Variants in ZBTB21 observed in about 807,000 individuals in gnomAD.
ZBTB21 encodes the protein zinc finger and BTB domain-containing protein 21.
Under a neutral mutation model 39.8 loss-of-function variants are expected in ZBTB21, and 10 were observed. The ratio of observed to expected loss-of-function variants is 0.25; its 90% CI spans 0.16 to 0.43. ZBTB21 has a LOEUF of 0.43. ZBTB21 is among the 20% of genes least tolerant of loss of function. ZBTB21 has a pLI of 1.00. For synonymous variants in ZBTB21, 551 were observed against 498.8 expected (o/e 1.10, Z -1.40); for missense variants, 1,221 against 1,296.3 (o/e 0.94, Z 0.89).
chr21:41,992,749 T>C lies in ZBTB21; in HGVS notation c.1347A>G (p.Gly449=), dbSNP rs377567299. 1.9e-6 allele frequency: 3 copies of C among 1,614,006 alleles called. No individual in the cohort carries two copies. In the African/African-American group the frequency reaches 4.0e-5, roughly 22 times the overall value. ...DPSDIIRVTV[G]DAATTAAASS... ...AGGCAGCTGCTGTTGTTGCCGCATC[T>C]CCCACAGTGACGCGGATGATGTCCG... The change falls in exon 3 of 3, where the codon GGA becomes GGG. Residue 449 remains glycine, a synonymous_variant. Coordinates refer to ENST00000310826, the MANE Select transcript of ZBTB21 (RefSeq NM_001098402.2). The surrounding 1 kb of genome is among the most constrained non-coding windows in gnomAD (Gnocchi z 4.1).
chr21:42,000,922 GTATT>G (rs1242847407), intron 2 of ZBTB21, among the ~76,000 whole-genome samples: 1 of 152,146 alleles, frequency 6.6e-6, no homozygotes, highest in Non-Finnish European at 1.5e-5. Context: ...ACTTTATAGA[GTATT>G]TATTTTCCAT....
Position 41,994,071 on chromosome 21 carries a change from T to C in ZBTB21, c.25A>G (p.Asn9Asp). The change falls in exon 3 of 3, where the codon AAC becomes GAC. Residue 9 changes from asparagine to aspartate, a missense_variant. Physicochemically the swap from Asn to Asp is conservative, Grantham distance 23. Coordinates refer to ENST00000310826, the MANE Select transcript of ZBTB21 (RefSeq NM_001098402.2). ...AGGAGAGAAATGGCGTGTGCAGGGT[T>C]GATGTAATGCAGTAATCCCTCCATG... MEGLLHYI[N>D]PAHAISLLSA... The C allele has an allele frequency of 1.2e-6, 2 of 1,602,156 alleles. No homozygotes were observed. The highest frequency in any genetic ancestry group is 2.2e-5 in the East Asian group (1 of 44,734).
chr21:41,994,245 T>A (rs1425467745), intron 2 of ZBTB21, 137 bp from the exon 3 acceptor site: 1 of 636,116 alleles, frequency 1.6e-6, no homozygotes, highest in East Asian at 3.0e-5. Context: ...GCTCTATGAA[T>A]GAACAATCTT....
Position 41,993,166 on chromosome 21 carries a change from A to G in ZBTB21, c.930T>C (p.Tyr310=). The G allele has an allele frequency of 6.2e-7, 1 of 1,613,980 alleles. No individual in the cohort carries two copies. ...GQGEDRNLLY[Y]SKLGLVIPSS... is the part of the protein sequence containing the mutation. ...ATGGGATCACTAAGCCTAACTTTGAATAGTACAACAAGTTTCTATCTTCAC... is the reference window on the plus strand; with the variant it reads ...ATGGGATCACTAAGCCTAACTTTGAGTAGTACAACAAGTTTCTATCTTCAC... The change falls in exon 3 of 3, where the codon TAT becomes TAC. Residue 310 remains tyrosine, a synonymous_variant. Coordinates refer to ENST00000310826, the MANE Select transcript of ZBTB21 (RefSeq NM_001098402.2).
Position 41,993,289 on chromosome 21 carries a change from C to A in ZBTB21, c.807G>T (p.Glu269Asp). ...GTGGCCGTGGTCTCTTCAAAGCCAG[C>A]TCTAGAGCTTTTCCTTTTGGAAGCT... ...SGQLPKGKAL[E>D]LALKRPRPPV... The change falls in exon 3 of 3, where the codon GAG (glutamate) becomes GAT (aspartate). Residue 269 changes from glutamate to aspartate, a missense_variant. By Grantham distance (45) the Glu-to-Asp change is conservative. Around this residue, in one of 4 missense-constraint regions of ZBTB21, gnomAD observed 500 missense variants for 465.6 expected, o/e 1.07. Transcript: ENST00000310826. 1.2e-6 allele frequency: 2 copies of A among 1,613,032 alleles called. No individual in the cohort carries two copies. Among genetic ancestry groups the A allele is most frequent in the Non-Finnish European group, 8.5e-7 (1 of 1,179,992 alleles).
intron 2 of ZBTB21, among the ~76,000 whole-genome samples, chr21:41,997,593 A>C (rs1020499487): frequency 1.5e-5 from 2 of 137,774 alleles, no homozygotes; most frequent in Non-Finnish European, 3.2e-5. Flanking sequence ...AAAAAAACAA[A>C]AAAACAAAAA....
intron 2 of ZBTB21, among the ~76,000 whole-genome samples, chr21:41,997,371 T>C (rs1318757382): frequency 1.3e-5 from 2 of 151,184 alleles, no homozygotes; most frequent in Non-Finnish European, 2.9e-5. Context: ...AGGTCAGGAG[T>C]TCGAGACAAG....
Position 42,009,679 on chromosome 21 carries a change from G to A in ZBTB21, c.-79+573C>T, listed in dbSNP as rs1275075831. Reference sequence around the variant, plus strand: ...GGGGAGGGAGCGTCCAGCGGGCACCGAGCGGTCACGCTCCGGCCACCGGGC... The same window carrying A: ...GGGGAGGGAGCGTCCAGCGGGCACCAAGCGGTCACGCTCCGGCCACCGGGC... On this transcript the variant is annotated intron_variant, in intron 1 of 2. Coordinates refer to ENST00000310826, the MANE Select transcript of ZBTB21 (RefSeq NM_001098402.2). 3 of 152,980 alleles carry A rather than the reference G, an allele frequency of 2.0e-5. No homozygotes were observed. In the South Asian group the frequency reaches 5.5e-4, roughly 28 times the overall value. 9.5% of individuals were successfully genotyped at this position (152,980 alleles called of 1,614,324 possible).
At position 41,992,969 on chromosome 21, in the gene ZBTB21, A is replaced by G; in HGVS notation, c.1127T>C (p.Val376Ala). 3 of 1,614,226 alleles carry G rather than the reference A, an allele frequency of 1.9e-6. No homozygotes were observed. Among genetic ancestry groups the G allele is most frequent in the South Asian group, 1.1e-5 (1 of 91,084 alleles). ...SSVSSDAPGN[V>A]LCALSQKSSL... ...TGACTTCTGAGATAAAGCACACAACACATTCCCTGGTGCATCACTGGACAC... is the reference window on the plus strand; with the variant it reads ...TGACTTCTGAGATAAAGCACACAACGCATTCCCTGGTGCATCACTGGACAC... The change falls in exon 3 of 3, where the codon GTG becomes GCG. Residue 376 changes from valine to alanine, a missense_variant. This residue lies in a region of ZBTB21 where 500 missense variants were observed against 465.6 expected (regional missense o/e 1.07). Transcript: ENST00000310826. The surrounding 1 kb of genome is among the most constrained non-coding windows in gnomAD (Gnocchi z 4.1).
chr21:42,008,417 C>G (rs1253804295), intron 1 of ZBTB21, among the ~76,000 whole-genome samples: 2 of 147,976 alleles, frequency 1.4e-5, no homozygotes, highest in African/African-American at 5.0e-5. Flanking sequence ...ACTCAGGAGG[C>G]TGAGGCAGGA....
At position 41,997,575 on chromosome 21, in the gene ZBTB21, CAA is replaced by C. The variant is rs10709533; in HGVS notation, c.-13-3469_-13-3468del. 4.9e-4 allele frequency among the ~76,000 whole-genome samples: 58 copies of C among 117,838 alleles called. 1 individual carries two copies. The highest frequency in any genetic ancestry group is 1.2e-3 in the African/African-American group (40 of 34,696). The allele number at this position is 117,838 out of a possible 152,430, so 77.3% of individuals were successfully genotyped here. A position where few individuals can be genotyped will look rare whatever the true frequency, so the allele number is the denominator to read the frequency against. On this transcript the variant is annotated intron_variant, in intron 2 of 2. Coordinates refer to ENST00000310826, the MANE Select transcript of ZBTB21 (RefSeq NM_001098402.2). ...TGGTTGACAGAGCAAGACGTTGTCT[CAA>C]AAAAAAAAAAAACAAAAAAACAAAA...
At chr21:42,009,879 A>G (rs1263134252) in intron 1 of ZBTB21, among the ~76,000 whole-genome samples, 1 of 152,166 alleles carries the variant, frequency 6.6e-6, no homozygotes, top group East Asian at 1.9e-4. Context: ...AGGCGTTTCA[A>G]CCGCTCCGCG....
At chr21:41,996,205 T>C (rs1203137162) in intron 2 of ZBTB21, among the ~76,000 whole-genome samples, 1 of 152,212 alleles carries the variant, frequency 6.6e-6, no homozygotes, top group Non-Finnish European at 1.5e-5. Flanking sequence ...GAATGGTAGA[T>C]ACGTCGACAG....
rs117768481 is a variant in ZBTB21 at position 41,987,703 on chromosome 21, T to C, written c.*3192A>G. The stretch of plus-strand genomic sequence containing the variant: ...TACTTCCTGAAGTTCCAGATTACAG[T>C]TGTATACACACATGCATGCATGTGT... On this transcript the variant is annotated 3_prime_UTR_variant, in exon 3 of 3. Coordinates refer to ENST00000310826, the MANE Select transcript of ZBTB21 (RefSeq NM_001098402.2). The C allele has an allele frequency of 2.5e-4, 38 of 152,002 alleles. No individual in the cohort carries two copies. In the East Asian group the frequency reaches 6.6e-3, roughly 26 times the overall value. 9.4% of individuals were successfully genotyped at this position (152,002 alleles called of 1,614,324 possible). A position where few individuals can be genotyped will look rare whatever the true frequency, so the allele number is the denominator to read the frequency against.
chr21:42,008,342 CAAAAAAAAAAAAAAA>C (rs767411984), intron 1 of ZBTB21, among the ~76,000 whole-genome samples: 1 of 54,310 alleles, frequency 1.8e-5, no homozygotes, highest in Non-Finnish European at 3.3e-5. Flanking sequence ...CCCGTCTCTA[CAAAAAAAAAAAAAAA>C]AAAAAAAAAA....
In ZBTB21 at chr21:42,002,977, G is replaced by A. The variant is rs1383619866; in HGVS notation, c.-78-16C>T. 2.6e-5 allele frequency: 4 copies of A among 152,216 alleles called. No homozygotes were observed. The highest frequency in any genetic ancestry group is 5.9e-5 in the Non-Finnish European group (4 of 68,044). 9.4% of individuals were successfully genotyped at this position (152,216 alleles called of 1,614,324 possible). A position where few individuals can be genotyped will look rare whatever the true frequency, so the allele number is the denominator to read the frequency against. ...TTCATGTCTTCTGAAATTTCAAAAT[G>A]AGAGAATCTTTATGGTTAACAATTC... On this transcript the variant is annotated splice_polypyrimidine_tract_variant and intron_variant, in intron 1 of 2. Transcript: ENST00000310826.
chr21:42,009,020 T>C (rs966582902), intron 1 of ZBTB21, among the ~76,000 whole-genome samples: 1 of 152,150 alleles, frequency 6.6e-6, no homozygotes, highest in African/African-American at 2.4e-5. Context: ...AGGACCGTAA[T>C]GTAAGCTGCT....
chr21:41,992,683 TTC>T lies in ZBTB21; in HGVS notation c.1411_1412del (p.Glu471ArgfsTer2). 6.2e-7 allele frequency: 1 copy of T among 1,614,208 alleles called. No homozygotes were observed. The highest frequency in any genetic ancestry group is 8.5e-7 in the Non-Finnish European group (1 of 1,180,040). On this transcript the variant is annotated frameshift_variant, in exon 3 of 3. Coordinates refer to ENST00000310826, the MANE Select transcript of ZBTB21 (RefSeq NM_001098402.2). LOFTEE classifies it high-confidence loss of function. This position sits in a 1 kb window ranked among gnomAD's most constrained non-coding sequence, Gnocchi z 4.1. ...GTCTGCTCATGTCTTTTTGGTCATC[TTC>T]TGTTTTCAGAGACAGGTCTCTTGTG... ...SVTRDLSLKTEDDQKDMSRLP... is the reference protein window; with the variant it reads ...SVTRDLSLKTXDDQKDMSRLP...
chr21:42,007,609 A>G (rs565793195), intron 1 of ZBTB21, among the ~76,000 whole-genome samples: 4 of 152,290 alleles, frequency 2.6e-5, no homozygotes, highest in Non-Finnish European at 4.4e-5. Flanking sequence ...TCAGTCATCT[A>G]AACTACCACA....
Sources: gnomAD v4.1 joint callset for allele counts (sites outside exome capture counted in the v4.1 genomes callset) on GRCh38, gnomAD v4.1.1 for gene constraint, gnomAD v4.1.1 regional missense constraint, Gnocchi (gnomAD v3.1) non-coding constraint, MANE v1.5 for transcripts, NCBI Gene and HGNC (gene_info 2026-07-23, HGNC 2026-07-21) for gene names.